ZNRF3: variants seen among roughly 807,000 people sequenced by gnomAD.
ZNRF3 encodes E3 ubiquitin-protein ligase ZNRF3.
ZNRF3 carries 23 observed loss-of-function variants against 72.5 expected under a neutral mutation model. The observed-to-expected ratio is 0.32, with a 90% confidence interval of 0.23 to 0.45. ZNRF3 has a LOEUF of 0.45. ZNRF3 is among the 20% of genes least tolerant of loss of function. The pLI is 1.00. For synonymous variants in ZNRF3, 610 were observed against 545.3 expected, an observed-to-expected ratio of 1.12 and a Z score of -1.65; for missense variants, 1,169 against 1,272.1, an observed-to-expected ratio of 0.92 and a Z score of 1.23.
intron 1 of ZNRF3, among the ~76,000 whole-genome samples, chr22:28,919,455 A>G (rs1015892577): frequency 1.3e-5 from 2 of 152,160 alleles, no homozygotes; most frequent in African/African-American, 4.8e-5. Context: ...GGGAGGCTGG[A>G]AAAAGTGAGA....
intron 2 of ZNRF3, among the ~76,000 whole-genome samples, chr22:28,995,572 A>T (rs2036033052): frequency 6.6e-6 from 1 of 152,190 alleles, no homozygotes; most frequent in Non-Finnish European, 1.5e-5. Flanking sequence ...CAGTCACCTT[A>T]TGATGATGAA....
chr22:28,975,825 G>A (rs2035662034), intron 1 of ZNRF3, among the ~76,000 whole-genome samples: 1 of 152,130 alleles, frequency 6.6e-6, no homozygotes, highest in South Asian at 2.1e-4. Flanking sequence ...CGGAGCTTGG[G>A]CATTGTCTCA....
At chr22:28,967,107 C>G (rs1046394921) in intron 1 of ZNRF3, among the ~76,000 whole-genome samples, 2 of 152,122 alleles carry the variant, frequency 1.3e-5, no homozygotes, top group African/African-American at 4.8e-5. Flanking sequence ...GTCTCGAACT[C>G]CTGACCTCAG....
chr22:28,906,586 A>G (rs888292064), intron 1 of ZNRF3, among the ~76,000 whole-genome samples: 4 of 152,332 alleles, frequency 2.6e-5, no homozygotes, highest in Non-Finnish European at 5.9e-5. Context: ...TGAAAATTAG[A>G]TGATATATGT....
chr22:29,042,914 A>T (rs1438087591), intron 3 of ZNRF3, among the ~76,000 whole-genome samples: 1 of 152,104 alleles, frequency 6.6e-6, no homozygotes, highest in Non-Finnish European at 1.5e-5. Context: ...ATCTGGAATT[A>T]TAGGCACGAG....
chr22:29,046,511 A>G (rs1456611115), intron 5 of ZNRF3, among the ~76,000 whole-genome samples: 1 of 152,122 alleles, frequency 6.6e-6, no homozygotes, highest in African/African-American at 2.4e-5. Flanking sequence ...CCACTTAGGA[A>G]AAGCCTAGGT....
chr22:29,050,000 G>A lies in ZNRF3; in HGVS notation c.1819G>A (p.Ala607Thr), dbSNP rs2037160105. The A allele has an allele frequency of 6.2e-7, 1 of 1,611,850 alleles. No homozygotes were observed. The highest frequency in any genetic ancestry group is 8.5e-7 in the Non-Finnish European group (1 of 1,179,526). ...CTACCGCAGCCGGAGCCCCTGTCGTGCCAGTGAGGCGGGGGGCTCGGGCAG... is the reference window on the plus strand; with the variant it reads ...CTACCGCAGCCGGAGCCCCTGTCGTACCAGTGAGGCGGGGGGCTCGGGCAG... ...FIYRSRSPCRASEAGGSGSSG... is the reference protein window; with the variant it reads ...FIYRSRSPCRTSEAGGSGSSG... The change falls in exon 8 of 9, where the codon GCC becomes ACC. Residue 607 changes from alanine (A) to threonine (T), a missense_variant. By Grantham distance (58) the Ala-to-Thr change is moderately conservative. Coordinates refer to ENST00000544604, the MANE Select transcript of ZNRF3 (RefSeq NM_001206998.2). This position sits in a 1 kb window ranked among gnomAD's most constrained non-coding sequence, Gnocchi z 5.2.
chr22:28,970,088 C>T (rs1036277701), intron 1 of ZNRF3, among the ~76,000 whole-genome samples: 2 of 152,018 alleles, frequency 1.3e-5, no homozygotes, highest in African/African-American at 4.8e-5. Flanking sequence ...CCCTTCTTAC[C>T]CGACTACAAA....
intron 1 of ZNRF3, among the ~76,000 whole-genome samples, chr22:28,912,979 C>T (rs2034346565): frequency 6.6e-6 from 1 of 152,152 alleles, no homozygotes; most frequent in African/African-American, 2.4e-5. Context: ...ACACAGTTTT[C>T]GAATCCTTGC....
chr22:28,918,530 ATGTGTGCGTGTG>A (rs2034448817), intron 1 of ZNRF3, among the ~76,000 whole-genome samples: 1 of 33,020 alleles, frequency 3.0e-5, no homozygotes, highest in South Asian at 8.9e-4. Flanking sequence ...GTGTATCTGC[ATGTGTGCGTGTG>A]TGTGTGTGTG....
At chr22:28,886,159 T>C (rs1444695004) in intron 1 of ZNRF3, among the ~76,000 whole-genome samples, 1 of 152,194 alleles carries the variant, frequency 6.6e-6, no homozygotes, top group African/African-American at 2.4e-5. Flanking sequence ...GCGGACAGAG[T>C]GCAGTGTGGC....
chr22:29,030,328 C>T lies in ZNRF3; in HGVS notation c.427-12167C>T, dbSNP rs2036720929. Reference sequence around the variant, plus strand: ...CTGTGCAATGGCGCCGCGACCCGGCCGCGGACTCCAGCCTCTAAAGTCGGG... The same window carrying T: ...CTGTGCAATGGCGCCGCGACCCGGCTGCGGACTCCAGCCTCTAAAGTCGGG... On this transcript the variant is annotated intron_variant, in intron 2 of 8. Transcript: ENST00000544604. The surrounding 1 kb of genome is among the most constrained non-coding windows in gnomAD (Gnocchi z 4.2). Among the ~76,000 whole-genome samples the T allele has an allele frequency of 6.6e-6, 1 of 152,160 alleles. No individual in the cohort carries two copies. Among genetic ancestry groups the T allele is most frequent in the Non-Finnish European group, 1.5e-5 (1 of 68,040 alleles).
chr22:28,975,604 G>C (rs1569267557), intron 1 of ZNRF3, among the ~76,000 whole-genome samples: 1 of 152,046 alleles, frequency 6.6e-6, no homozygotes, highest in Non-Finnish European at 1.5e-5. Context: ...AGACATGGTG[G>C]CGGGCGCCTG....
chr22:28,896,858 T>C (rs2034007830), intron 1 of ZNRF3, among the ~76,000 whole-genome samples: 1 of 152,244 alleles, frequency 6.6e-6, no homozygotes, highest in Non-Finnish European at 1.5e-5. Context: ...GCTCTGCCTC[T>C]TGCTGACTTC....
At chr22:28,902,779 A>G (rs963555423) in intron 1 of ZNRF3, among the ~76,000 whole-genome samples, 4 of 152,166 alleles carry the variant, frequency 2.6e-5, no homozygotes, top group African/African-American at 9.7e-5. Flanking sequence ...GGATTACATG[A>G]GTTACTCACA....
intron 2 of ZNRF3, among the ~76,000 whole-genome samples, chr22:29,014,602 G>C (rs986173776): frequency 3.3e-5 from 5 of 152,204 alleles, no homozygotes; most frequent in Non-Finnish European, 7.3e-5. Flanking sequence ...TTGTAGCTCA[G>C]TGTAAAATAC....
intron 1 of ZNRF3, among the ~76,000 whole-genome samples, chr22:28,946,218 G>A (rs980961634): frequency 1.3e-5 from 2 of 152,106 alleles, no homozygotes; most frequent in Non-Finnish European, 2.9e-5. Flanking sequence ...TTCACCCCCC[G>A]AAAATTATTT....
At chr22:29,024,599 A>G (rs2036594065) in intron 2 of ZNRF3, among the ~76,000 whole-genome samples, 1 of 152,118 alleles carries the variant, frequency 6.6e-6, no homozygotes, top group Non-Finnish European at 1.5e-5. Context: ...TAGGGTCCCT[A>G]GTATAACTAC....
intron 1 of ZNRF3, among the ~76,000 whole-genome samples, chr22:28,948,356 G>A (rs966519325): frequency 5.3e-5 from 8 of 150,950 alleles, no homozygotes; most frequent in East Asian, 2.0e-4. Context: ...TGTAGAGACC[G>A]AGTCTTGCTT....
Sources: gnomAD v4.1 joint callset for allele counts (sites outside exome capture counted in the v4.1 genomes callset) on GRCh38, gnomAD v4.1.1 for gene constraint, Gnocchi (gnomAD v3.1) non-coding constraint, MANE v1.5 for transcripts, NCBI Gene and HGNC (gene_info 2026-07-23, HGNC 2026-07-21) for gene names.